Variants in CREB5 observed in about 807,000 individuals in gnomAD.
CREB5 encodes cAMP responsive element binding protein 5.
Under a neutral mutation model 57.1 loss-of-function variants are expected in CREB5, and 19 were observed. The ratio of observed to expected loss-of-function variants is 0.33; its 90% CI spans 0.23 to 0.49. CREB5 has a LOEUF of 0.49. Among genes scored for constraint, CREB5 ranks in the 20% least tolerant of loss-of-function variants. The pLI, the probability that CREB5 is intolerant of heterozygous loss-of-function variation, is 0.99. For missense variants in CREB5, 579 were observed against 671.6 expected (o/e 0.86, Z 1.52); for synonymous variants, 238 against 238.3 (o/e 1.00, Z 0.01).
intron 5 of CREB5, among the ~76,000 whole-genome samples, chr7:28,712,524 T>TTTATTATTA (rs752228734): frequency 5.2e-5 from 7 of 135,322 alleles, no homozygotes; most frequent in African/African-American, 1.4e-4. Context: ...AAAAAGAGAA[T>TTTATTATTA]TTATTATTAT....
At chr7:28,304,399 T>C (rs1785150751) in intron 1 of CREB5, among the ~76,000 whole-genome samples, 1 of 152,228 alleles carries the variant, frequency 6.6e-6, no homozygotes, top group African/African-American at 2.4e-5. Flanking sequence ...GCAATTTCCA[T>C]TTATAGTAGA....
chr7:28,674,276 A>C (rs1326622892), intron 5 of CREB5, among the ~76,000 whole-genome samples: 2 of 152,144 alleles, frequency 1.3e-5, no homozygotes, highest in Non-Finnish European at 2.9e-5. Flanking sequence ...CTCAGCTGAG[A>C]GTGAGTTGAC....
intron 5 of CREB5, among the ~76,000 whole-genome samples, chr7:28,641,512 C>T (rs1254924977): frequency 1.3e-5 from 2 of 152,260 alleles, no homozygotes; most frequent in East Asian, 1.9e-4. Flanking sequence ...TCCTGACTTC[C>T]AGGGTATACT....
chr7:28,426,088 C>T (rs1202011764), intron 1 of CREB5, among the ~76,000 whole-genome samples: 1 of 152,206 alleles, frequency 6.6e-6, no homozygotes, highest in East Asian at 1.9e-4. Context: ...TGTCCTGTCT[C>T]CTTCTAACCC....
rs1790993765 is a variant in CREB5, at chr7:28,474,908, CTTT to C, written c.4-13266_4-13264del. ...CTTTCAGCCTTGAAGGAAAACACTT[CTTT>C]GAGATTAAAAACGCCTGACACATAG... On this transcript the variant is annotated intron_variant, in intron 1 of 10. Coordinates refer to ENST00000357727, the MANE Select transcript of CREB5 (RefSeq NM_182898.4). Among the ~76,000 whole-genome samples the C allele has an allele frequency of 2.0e-5, 3 of 152,090 alleles. No homozygotes were observed. The South Asian group carries it at 6.2e-4, about 32-fold the overall frequency.
At chr7:28,691,959 AG>A (rs1801288188) in intron 5 of CREB5, among the ~76,000 whole-genome samples, 1 of 149,018 alleles carries the variant, frequency 6.7e-6, no homozygotes, top group Non-Finnish European at 1.5e-5. Context: ...GCCAGAGCTC[AG>A]GAGTTTGAAA....
chr7:28,594,524 C>T (rs1416698245), intron 5 of CREB5, among the ~76,000 whole-genome samples: 1 of 152,138 alleles, frequency 6.6e-6, no homozygotes, highest in Non-Finnish European at 1.5e-5. Context: ...TTTAAGCCCT[C>T]CTGATTCCCC....
intron 5 of CREB5, among the ~76,000 whole-genome samples, chr7:28,634,423 T>C (rs1466439680): frequency 6.6e-6 from 1 of 152,202 alleles, no homozygotes; most frequent in Non-Finnish European, 1.5e-5. Flanking sequence ...TATTTTAAAA[T>C]GTATATTGTT....
At chr7:28,433,697 C>T (rs1009762934) in intron 1 of CREB5, among the ~76,000 whole-genome samples, 1 of 151,984 alleles carries the variant, frequency 6.6e-6, no homozygotes, top group Non-Finnish European at 1.5e-5. Context: ...AATCTAGAAG[C>T]ACAAGTATAG....
At position 28,356,028 on chromosome 7, in the gene CREB5, C is replaced by T. The variant is rs562016249; in HGVS notation, c.-25+56587C>T. Among the ~76,000 whole-genome samples, 23 of 152,262 alleles carry T rather than the reference C, an allele frequency of 1.5e-4. No homozygotes were observed. The South Asian group carries it at 3.7e-3, about 25-fold the overall frequency. On this transcript the variant is annotated intron_variant, in intron 1 of 9. Transcript: ENST00000396299. ...TTGTTCCACTGAGTGACACTAATTACGGGTAAGAGCTTTGTAAACACGCCT... is the reference window on the plus strand; with the variant it reads ...TTGTTCCACTGAGTGACACTAATTATGGGTAAGAGCTTTGTAAACACGCCT...
In CREB5 at chr7:28,442,205, G is replaced by C. The variant is rs150344812; in HGVS notation, c.3+29288G>C. 4.8e-3 allele frequency among the ~76,000 whole-genome samples: 724 copies of C among 152,070 alleles called. 4 individuals carry two copies. The highest frequency in any genetic ancestry group is 0.016 in the African/African-American group (673 of 41,468). On this transcript the variant is annotated intron_variant, in intron 1 of 10. Coordinates refer to ENST00000357727, the MANE Select transcript of CREB5 (RefSeq NM_182898.4). The stretch of plus-strand genomic sequence containing the variant: ...GAGAACATACAGTATTTATCTTCCT[G>C]TGCCTGACTTATTTTGTTTAGCATA...
chr7:28,311,939 C>G (rs1785286727), intron 1 of CREB5, among the ~76,000 whole-genome samples: 2 of 152,200 alleles, frequency 1.3e-5, no homozygotes, highest in African/African-American at 4.8e-5. Context: ...TTGTACTTCT[C>G]AGAGGTTTGG....
At chr7:28,379,958 T>C (rs1259271505) in intron 1 of CREB5, among the ~76,000 whole-genome samples, 1 of 152,182 alleles carries the variant, frequency 6.6e-6, no homozygotes, top group African/African-American at 2.4e-5. Flanking sequence ...GATATAATCA[T>C]AGCTCACTGC....
In CREB5 at chr7:28,799,855, G is replaced by C. The variant is rs973792507; in HGVS notation, c.703-4344G>C. 2.0e-4 allele frequency among the ~76,000 whole-genome samples: 31 copies of C among 152,166 alleles called. 1 individual carries two copies. The highest frequency in any genetic ancestry group is 4.4e-4 in the Non-Finnish European group (30 of 68,022). On this transcript the variant is annotated intron_variant, in intron 7 of 10. Coordinates refer to ENST00000357727, the MANE Select transcript of CREB5 (RefSeq NM_182898.4). Reference sequence around the variant, plus strand: ...CTACATGACTTCTGTAGTTGATTCTGCTAACCTTGGTTGACTAATAAAATC... The same window carrying C: ...CTACATGACTTCTGTAGTTGATTCTCCTAACCTTGGTTGACTAATAAAATC...
intron 1 of CREB5, among the ~76,000 whole-genome samples, chr7:28,330,401 C>CTTTT (rs10699932): frequency 0.084 from 7,353 of 87,310 alleles, 415 homozygotes; most frequent in East Asian, 0.17. Context: ...GAGAACCTTA[C>CTTTT]TTTTTTTTTT....
At chr7:28,420,118 A>G (rs42724) in intron 1 of CREB5, among the ~76,000 whole-genome samples, 142,173 of 151,664 alleles carry the variant, frequency 0.94, 66,695 homozygotes, top group East Asian at 0.99. Context: ...TTTTTTTCAT[A>G]TGCTTTGGAA....
chr7:28,332,374 CTCCACTCTACCCTA>C, intron 1 of CREB5, among the ~76,000 whole-genome samples: 1 of 152,290 alleles, frequency 6.6e-6, no homozygotes, highest in South Asian at 2.1e-4. Context: ...TGTCTTTCTC[CTCCACTCTACCCTA>C]GTCTCCAAAA....
intron 7 of CREB5, among the ~76,000 whole-genome samples, chr7:28,768,321 C>A (rs1013459964): frequency 4.0e-4 from 61 of 152,034 alleles, no homozygotes; most frequent in African/African-American, 1.5e-3. Flanking sequence ...CACTTACACC[C>A]AATGCTTTCA....
chr7:28,646,637 G>A (rs1798900430), intron 5 of CREB5, among the ~76,000 whole-genome samples: 1 of 152,078 alleles, frequency 6.6e-6, no homozygotes, highest in African/African-American at 2.4e-5. Context: ...AGAGAACAAA[G>A]CTTTTAAACT....
Sources: gnomAD v4.1 joint callset for allele counts (sites outside exome capture counted in the v4.1 genomes callset) on GRCh38, gnomAD v4.1.1 for gene constraint, MANE v1.5 for transcripts, NCBI Gene and HGNC (gene_info 2026-07-23, HGNC 2026-07-21) for gene names.